Variants in ZIM2 observed in about 807,000 individuals in gnomAD.
ZIM2 encodes the protein zinc finger protein 656.
In ZIM2, 14 loss-of-function variants were observed where a neutral mutation model predicts 38.6. That is an observed-to-expected ratio of 0.36 (90% CI 0.24 to 0.57). The LOEUF is 0.57. ZIM2 is among the 20% of genes least tolerant of loss of function. The pLI is 0.81. For missense variants in ZIM2, 680 were observed against 695.1 expected (o/e 0.98, Z 0.24); for synonymous variants, 247 against 245.8 (o/e 1.00, Z -0.04).
At chr19:56,830,934 A>G (rs1286469459) in intron 2 of ZIM2, among the ~76,000 whole-genome samples, 1 of 152,016 alleles carries the variant, frequency 6.6e-6, no homozygotes, top group Non-Finnish European at 1.5e-5. Flanking sequence ...CACCAAAAAA[A>G]TAAAAAACAA....
chr19:56,820,978 C>T (rs1300831663), intron 7 of ZIM2, among the ~76,000 whole-genome samples: 1 of 152,222 alleles, frequency 6.6e-6, no homozygotes, highest in Non-Finnish European at 1.5e-5. Flanking sequence ...GACCCCTCTC[C>T]TCCTTCCTAA....
chr19:56,824,767 A>C, intron 3 of ZIM2: 1 of 1,038,756 alleles, frequency 9.6e-7, no homozygotes, highest in Non-Finnish European at 1.4e-6. Context: ...AGATATACAC[A>C]TGTCCCAGAA....
chr19:56,812,851 A>G, intron 9 of ZIM2: 1 of 985,070 alleles, frequency 1.0e-6, no homozygotes. Context: ...ACAAATGTGT[A>G]ATATTTTTGC....
At chr19:56,822,636 C>T (rs1384217856) in intron 6 of ZIM2, 117 bp downstream of exon 6, 16 of 1,398,928 alleles carry the variant, frequency 1.1e-5, no homozygotes, top group African/African-American at 2.9e-5. Context: ...TTTGGGGAAG[C>T]GGAATATACT....
At chr19:56,833,288 ACCT>A (rs1430727665) in intron 2 of ZIM2, 1 of 426,694 alleles carries the variant, frequency 2.3e-6, no homozygotes, top group Non-Finnish European at 4.7e-6. Flanking sequence ...CGTTCTACCT[ACCT>A]CATTAAAAGG....
In ZIM2 at chr19:56,840,606, G is replaced by C. The variant is rs932095617; in HGVS notation, c.-338C>G. The C allele has an allele frequency of 6.6e-6, 1 of 152,458 alleles. No individual in the cohort carries two copies. Among genetic ancestry groups the C allele is most frequent in the African/African-American group, 2.4e-5 (1 of 41,472 alleles). The allele number at this position is 152,458 out of a possible 1,614,324, so 9.4% of individuals were successfully genotyped here. A position where few individuals can be genotyped will look rare whatever the true frequency, so the allele number is the denominator to read the frequency against. On this transcript the variant is annotated 5_prime_UTR_variant, in exon 1 of 13. Transcript: ENST00000629319. ...CCTCACCTCAGTGCTGCGCAGCCTC[G>C]GGCACGAACAGCCGCCTAGCGCACC... is the stretch of plus-strand genomic sequence containing the variant.
chr19:56,790,080 T>A lies in ZIM2; in HGVS notation c.491-129A>T, dbSNP rs529336518. The A allele has an allele frequency of 2.8e-3, 1,688 of 602,764 alleles. 5 individuals carry two copies. Among genetic ancestry groups the A allele is most frequent in the Middle Eastern group, 3.3e-3 (8 of 2,444 alleles). 37.3% of individuals were successfully genotyped at this position (602,764 alleles called of 1,614,324 possible). A position where few individuals can be genotyped will look rare whatever the true frequency, so the allele number is the denominator to read the frequency against. ...AACAGCAGCTCTAGAGTTCCTATGG[T>A]GAGAAAGTCAGATATCATTTCTCAA... On this transcript the variant is annotated intron_variant, in intron 9 of 12. Transcript: ENST00000629319.
At chr19:56,800,555 G>T (rs891037536) in intron 9 of ZIM2, among the ~76,000 whole-genome samples, 1 of 152,024 alleles carries the variant, frequency 6.6e-6, no homozygotes, top group Non-Finnish European at 1.5e-5. Flanking sequence ...TAGTTTAGAG[G>T]TTATTTAAAA....
chr19:56,838,154 T>A (rs2062410610), intron 1 of ZIM2, among the ~76,000 whole-genome samples: 1 of 152,122 alleles, frequency 6.6e-6, no homozygotes, highest in Admixed American at 6.5e-5. Context: ...CTCAGTCCTC[T>A]GCACCCGGCC....
intron 6 of ZIM2, chr19:56,822,496 GT>G (rs11355455): frequency 0.61 from 202,898 of 330,652 alleles, 47,831 homozygotes; most frequent in African/African-American, 0.74. Flanking sequence ...GAAACTTCCA[GT>G]TTTTTTTTTT....
intron 1 of ZIM2, among the ~76,000 whole-genome samples, 193 bp from the exon 2 acceptor site, chr19:56,836,297 T>C (rs753063151): frequency 6.6e-6 from 1 of 152,128 alleles, no homozygotes; most frequent in South Asian, 2.1e-4. Flanking sequence ...CACCCTGGGA[T>C]GTACTCATAG....
intron 6 of ZIM2, 74 bp downstream of exon 6, chr19:56,822,679 G>A: frequency 6.4e-7 from 1 of 1,569,650 alleles, no homozygotes; most frequent in South Asian, 1.2e-5. Context: ...CGAGGCCCTG[G>A]CACTTTCCCC....
chr19:56,806,645 A>G (rs1451034865), intron 9 of ZIM2, among the ~76,000 whole-genome samples: 1 of 152,218 alleles, frequency 6.6e-6, no homozygotes, highest in African/African-American at 2.4e-5. Flanking sequence ...CCCCGTACAT[A>G]CTGCTGTGGT....
At chr19:56,813,465 G>A in intron 9 of ZIM2, 1 of 1,389,176 alleles carries the variant, frequency 7.2e-7, no homozygotes, top group Non-Finnish European at 9.3e-7. Flanking sequence ...TTTCCCACAT[G>A]CAGACACTGA....
At chr19:56,789,826 A>C (rs2046831827) in intron 10 of ZIM2, 46 bp downstream of exon 10, 1 of 1,444,964 alleles carries the variant, frequency 6.9e-7, no homozygotes, top group Non-Finnish European at 9.3e-7. Flanking sequence ...TTAGGAAGAT[A>C]AGATCCCCAT....
At chr19:56,801,863 CAGAG>C (rs984367482) in intron 9 of ZIM2, among the ~76,000 whole-genome samples, 35 of 152,268 alleles carry the variant, frequency 2.3e-4, no homozygotes, top group African/African-American at 6.7e-4. Flanking sequence ...ATAAAGAAGA[CAGAG>C]AGGACAAATG....
Position 56,817,695 on chromosome 19 carries a change from T to C in ZIM2, c.490+51A>G, listed in dbSNP as rs1446561466. On this transcript the variant is annotated intron_variant, in intron 9 of 12. Coordinates refer to ENST00000629319, the MANE Select transcript of ZIM2 (RefSeq NM_001387356.1). ...AATGCAAAGTGTAGAAGTTCCTTGA[T>C]AGCATCTCACTGGTTGTGTGGCTCC... The C allele has an allele frequency of 3.8e-6, 6 of 1,565,128 alleles. No individual in the cohort carries two copies. The Admixed American group carries it at 5.0e-5, about 13-fold the overall frequency.
At chr19:56,815,740 C>T (rs560114002) in intron 9 of ZIM2, 46 of 1,614,136 alleles carry the variant, frequency 2.8e-5, no homozygotes, top group South Asian at 1.5e-4. Context: ...AGGTTTGGCA[C>T]GGAATACACT....
chr19:56,803,762 G>A (rs2047635693), intron 9 of ZIM2, among the ~76,000 whole-genome samples: 1 of 152,170 alleles, frequency 6.6e-6, no homozygotes, highest in Non-Finnish European at 1.5e-5. Context: ...AAAACAGGCA[G>A]CTTTAGGGAA....
Sources: allele counts gnomAD v4.1 joint callset (sites outside exome capture counted in the v4.1 genomes callset), GRCh38; gene constraint gnomAD v4.1.1; transcripts MANE v1.5; gene names NCBI Gene and HGNC (gene_info 2026-07-23, HGNC 2026-07-21).